Variants in ACMSD observed in about 807,000 individuals in gnomAD.
ACMSD encodes the protein 2-amino-3-carboxymuconate-6-semialdehyde decarboxylase.
Under a neutral mutation model 45.9 loss-of-function variants are expected in ACMSD, and 37 were observed. The ratio of observed to expected loss-of-function variants is 0.81; its 90% confidence interval spans 0.62 to 1.06. The LOEUF is 1.06. Ranked by LOEUF, ACMSD falls within the 50% of genes least tolerant of loss-of-function variation. The pLI is 0.00. For synonymous variants in ACMSD, 138 were observed against 148.8 expected (o/e 0.93, Z 0.53); for missense variants, 434 against 420.9 (o/e 1.03, Z -0.27).
intron 8 of ACMSD, among the ~76,000 whole-genome samples, chr2:134,895,345 A>ATGTATATGTTATG: frequency 6.8e-6 from 1 of 146,004 alleles, no homozygotes; most frequent in Admixed American, 6.9e-5. Context: ...TATAATATAT[A>ATGTATATGTTATG]TATAACATAT....
At chr2:134,885,308 T>TATATATATGTAA (rs1689301311) in intron 8 of ACMSD, among the ~76,000 whole-genome samples, 5 of 96,948 alleles carry the variant, frequency 5.2e-5, no homozygotes, top group Admixed American at 3.0e-4. Flanking sequence ...TATATTTAAA[T>TATATATATGTAA]ATATATATAT....
chr2:134,879,426 C>T (rs1024361560), intron 8 of ACMSD, among the ~76,000 whole-genome samples: 7 of 152,226 alleles, frequency 4.6e-5, no homozygotes, highest in African/African-American at 1.7e-4. Flanking sequence ...TCCAAAGCCA[C>T]TCCCACATTT....
At position 134,901,740 on chromosome 2, in the gene ACMSD, C is replaced by A. The variant is rs190261564; in HGVS notation, c.949-58C>A. 6,458 of 1,370,780 alleles carry A rather than the reference C, an allele frequency of 4.7e-3. 25 individuals carry two copies. Among genetic ancestry groups the A allele is most frequent in the Middle Eastern group, 9.0e-3 (38 of 4,236 alleles). The allele number at this position is 1,370,780 out of a possible 1,614,324, so 84.9% of individuals were successfully genotyped here. A position where few individuals can be genotyped will look rare whatever the true frequency, so the allele number is the denominator to read the frequency against. On this transcript the variant is annotated intron_variant, in intron 9 of 9. Transcript: ENST00000356140. ...TTTTTTAAACCTGATCAATGTAGTA[C>A]TTAAAAGTACTTAAAAAACAACCAA...
chr2:134,860,637 G>C (rs1051940220), intron 3 of ACMSD, among the ~76,000 whole-genome samples: 1 of 152,150 alleles, frequency 6.6e-6, no homozygotes, highest in African/African-American at 2.4e-5. Context: ...GGAATCAAAC[G>C]GTCAGCCTAA....
chr2:134,890,571 T>TA lies in ACMSD; in HGVS notation c.850-7769dup, dbSNP rs1225634787. Reference sequence around the variant, plus strand: ...ACTATGGATAACGAAATAACACTGTTATCAATGTTAAATTTCCTGATTTTG... The same window carrying TA: ...ACTATGGATAACGAAATAACACTGTTAATCAATGTTAAATTTCCTGATTTTG... On this transcript the variant is annotated intron_variant, in intron 8 of 9. Transcript: ENST00000356140. Among the ~76,000 whole-genome samples, 5 of 152,182 alleles carry TA rather than the reference T, an allele frequency of 3.3e-5. No individual in the cohort carries two copies. In the East Asian group the frequency reaches 5.8e-4, roughly 18 times the overall value.
At chr2:134,864,638 T>C (rs1471116970) in intron 5 of ACMSD, among the ~76,000 whole-genome samples, 23 of 152,204 alleles carry the variant, frequency 1.5e-4, no homozygotes, top group Admixed American at 1.4e-3. Flanking sequence ...TTAAGTCATA[T>C]ATTTTGGAAA....
chr2:134,872,850 A>T (rs1406642136), intron 8 of ACMSD: 1 of 549,370 alleles, frequency 1.8e-6, no homozygotes, highest in Non-Finnish European at 3.2e-6. Flanking sequence ...ACACTAAGAA[A>T]CTATTATATA....
chr2:134,849,781 C>A (rs1472196980), intron 2 of ACMSD, among the ~76,000 whole-genome samples: 1 of 152,120 alleles, frequency 6.6e-6, no homozygotes, highest in African/African-American at 2.4e-5. Flanking sequence ...CAGGCCAGTC[C>A]TTGGTTTGTA....
chr2:134,860,865 A>G (rs1033449051), intron 3 of ACMSD, among the ~76,000 whole-genome samples: 2 of 149,510 alleles, frequency 1.3e-5, no homozygotes, highest in Non-Finnish European at 3.0e-5. Flanking sequence ...ACAAAAAAAA[A>G]AAAAAAAAAA....
At chr2:134,882,316 C>T (rs181933125) in intron 8 of ACMSD, among the ~76,000 whole-genome samples, 2 of 152,120 alleles carry the variant, frequency 1.3e-5, no homozygotes, top group Admixed American at 6.5e-5. Context: ...TTGTGGTAAG[C>T]GAGAGAGTTC....
chr2:134,886,246 ATT>A (rs756206850), intron 8 of ACMSD, among the ~76,000 whole-genome samples: 20 of 115,452 alleles, frequency 1.7e-4, no homozygotes, highest in African/African-American at 5.4e-4. Context: ...TATTATTATT[ATT>A]TTTTTTTTTT....
At chr2:134,891,217 C>T (rs767684434) in intron 8 of ACMSD, among the ~76,000 whole-genome samples, 8 of 151,946 alleles carry the variant, frequency 5.3e-5, no homozygotes, top group East Asian at 3.8e-4. Context: ...CCTAGACCAA[C>T]GCCCAGGAGA....
At chr2:134,842,790 T>C (rs1686866331) in intron 1 of ACMSD, among the ~76,000 whole-genome samples, 1 of 152,216 alleles carries the variant, frequency 6.6e-6, no homozygotes, top group Non-Finnish European at 1.5e-5. Flanking sequence ...CACATAAGGA[T>C]ACAGTGACTT....
At chr2:134,885,200 A>T (rs1689255234) in intron 8 of ACMSD, among the ~76,000 whole-genome samples, 1 of 134,794 alleles carries the variant, frequency 7.4e-6, no homozygotes. Context: ...TGTCTCAAAA[A>T]ATATATACAT....
At chr2:134,867,011 G>A (rs1688129378) in intron 5 of ACMSD, among the ~76,000 whole-genome samples, 1 of 152,230 alleles carries the variant, frequency 6.6e-6, no homozygotes, top group East Asian at 1.9e-4. Flanking sequence ...TGGGCTCTGA[G>A]TAACCAGGTG....
At chr2:134,858,105 A>C (rs1473934617) in intron 2 of ACMSD, among the ~76,000 whole-genome samples, 1 of 152,114 alleles carries the variant, frequency 6.6e-6, no homozygotes, top group African/African-American at 2.4e-5. Context: ...GCATCATTCA[A>C]AATAGCCAAG....
At chr2:134,882,196 A>C (rs1689074011) in intron 8 of ACMSD, among the ~76,000 whole-genome samples, 1 of 152,176 alleles carries the variant, frequency 6.6e-6, no homozygotes, top group Non-Finnish European at 1.5e-5. Flanking sequence ...TTGAATACTT[A>C]GGCTTCCAAG....
chr2:134,849,953 G>A (rs932514592), intron 2 of ACMSD, among the ~76,000 whole-genome samples: 1 of 131,992 alleles, frequency 7.6e-6, no homozygotes, highest in Non-Finnish European at 1.5e-5. Flanking sequence ...GTTCATCCCA[G>A]GGCCTTGGGA....
At chr2:134,866,935 C>G (rs1166711119) in intron 5 of ACMSD, among the ~76,000 whole-genome samples, 1 of 152,188 alleles carries the variant, frequency 6.6e-6, no homozygotes, top group Non-Finnish European at 1.5e-5. Flanking sequence ...GCCAACTGTT[C>G]AGAGACTCAT....
Sources: gnomAD v4.1 joint callset for allele counts (sites outside exome capture counted in the v4.1 genomes callset) on GRCh38, gnomAD v4.1.1 for gene constraint, MANE v1.5 for transcripts, NCBI Gene and HGNC (gene_info 2026-07-23, HGNC 2026-07-21) for gene names.